The following HOXC4 variants were observed in gnomAD, a reference collection of about 807,000 sequenced individuals.
The protein encoded by HOXC4 is homeobox protein Hox-C4.
Under a neutral mutation model 25.5 loss-of-function variants are expected in HOXC4, and 15 were observed. That is an observed-to-expected ratio of 0.59 (90% CI 0.39 to 0.91). The LOEUF is 0.91. Ranked by LOEUF, HOXC4 falls within the 40% of genes least tolerant of loss-of-function variation. The probability of loss-of-function intolerance (pLI) is 0.00; values close to 1 mark genes in which losing one functional copy is unlikely to be tolerated. For synonymous variants in HOXC4, 165 were observed against 148.0 expected (o/e 1.11, Z -0.83); for missense variants, 342 against 352.4 (o/e 0.97, Z 0.24).
intron 1 of HOXC4, among the ~76,000 whole-genome samples, chr12:54,048,762 A>C (rs1937778857): frequency 6.6e-6 from 1 of 152,170 alleles, no homozygotes; most frequent in African/African-American, 2.4e-5. Flanking sequence ...TAAACTCTTA[A>C]AAGTGTTTCC....
rs1937944864 is a variant in HOXC4 at position 54,055,126 on chromosome 12, C to T, written c.716C>T (p.Thr239Ile). The change falls in exon 2 of 2, where the codon ACC becomes ATC. Residue 239 changes from threonine to isoleucine, a missense_variant. Coordinates refer to ENST00000430889, the MANE Select transcript of HOXC4 (RefSeq NM_153633.3). ...GAAPSTLSAATPGTSEDHSQS... is the reference protein window; with the variant it reads ...GAAPSTLSAAIPGTSEDHSQS... Reference sequence around the variant, plus strand: ...GCGCCCAGCACCCTTTCGGCAGCTACCCCGGGTACTTCTGAAGACCACTCC... The same window carrying T: ...GCGCCCAGCACCCTTTCGGCAGCTATCCCGGGTACTTCTGAAGACCACTCC... The T allele has an allele frequency of 6.2e-7, 1 of 1,613,372 alleles. No homozygotes were observed. The highest frequency in any genetic ancestry group is 2.2e-5 in the East Asian group (1 of 44,854).
At chr12:54,033,394 C>T (rs749931090) in intron 1 of HOXC4, 1 of 1,612,338 alleles carries the variant, frequency 6.2e-7, no homozygotes, top group East Asian at 2.2e-5. Context: ...AGAGACGAAG[C>T]GGCTCCTCTG....
At chr12:54,026,720 C>T (rs1940716029) in intron 1 of HOXC4, among the ~76,000 whole-genome samples, 1 of 152,216 alleles carries the variant, frequency 6.6e-6, no homozygotes, top group South Asian at 2.1e-4. Context: ...TCCACCAGCT[C>T]CTGCACACTG....
At chr12:54,036,909 C>T (rs1171634203) in intron 1 of HOXC4, among the ~76,000 whole-genome samples, 8 of 152,122 alleles carry the variant, frequency 5.3e-5, no homozygotes, top group Non-Finnish European at 1.0e-4. Context: ...GCGCACCACC[C>T]CAGGGGAAAA....
At chr12:54,054,744 C>A in intron 1 of HOXC4, 106 bp from the exon 2 acceptor site, 1 of 736,534 alleles carries the variant, frequency 1.4e-6, no homozygotes, top group Non-Finnish European at 2.3e-6. Context: ...GACTTTATTT[C>A]CACCACTCCC....
intron 1 of HOXC4, among the ~76,000 whole-genome samples, chr12:54,018,536 G>A (rs894090374): frequency 6.6e-6 from 1 of 152,234 alleles, no homozygotes; most frequent in Non-Finnish European, 1.5e-5. Flanking sequence ...GGTGCTAATG[G>A]CCTGTTGTAT....
upstream of HOXC4, among the ~76,000 whole-genome samples, chr12:54,050,513 C>CA (rs1250975263): frequency 1.3e-5 from 2 of 152,218 alleles, no homozygotes; most frequent in Non-Finnish European, 2.9e-5. Flanking sequence ...GGACCAGATA[C>CA]AAGGATTCAT....
At chr12:54,020,977 T>C (rs906088940) in intron 1 of HOXC4, 2 of 152,312 alleles carry the variant, frequency 1.3e-5, no homozygotes, top group African/African-American at 2.4e-5. Context: ...CGGGATTCTT[T>C]TCACGGGCAT....
At chr12:54,034,702 CCTCAGCTCGG>C (rs893600828) in intron 1 of HOXC4, 10 of 562,766 alleles carry the variant, frequency 1.8e-5, no homozygotes, top group Non-Finnish European at 3.2e-5. Context: ...CCCCATCTCC[CCTCAGCTCGG>C]CTCAGCTCGG....
chr12:54,032,859 G>A (rs1941040025), intron 1 of HOXC4: 1 of 335,546 alleles, frequency 3.0e-6, no homozygotes, highest in South Asian at 8.3e-5. Context: ...CCTTGGTTGG[G>A]CTTTGCCAAC....
intron 1 of HOXC4, chr12:54,034,298 C>T (rs1440407501): frequency 1.2e-6 from 2 of 1,613,922 alleles, no homozygotes; most frequent in South Asian, 1.1e-5. Context: ...CAAGCGGTCC[C>T]GAACCAGTTA....
intron 1 of HOXC4, among the ~76,000 whole-genome samples, chr12:54,046,076 A>G (rs1303921088): frequency 2.0e-4 from 31 of 152,138 alleles, no homozygotes; most frequent in Non-Finnish European, 7.4e-5. Context: ...AATGTGGGGG[A>G]AAAAGGGATC....
chr12:54,039,655 A>T (rs1941238553), intron 1 of HOXC4, among the ~76,000 whole-genome samples: 2 of 151,796 alleles, frequency 1.3e-5, no homozygotes, highest in Non-Finnish European at 2.9e-5. Flanking sequence ...CTAGTCTGTG[A>T]TTTTGAGAGT....
chr12:54,027,626 C>G (rs1940780569), intron 1 of HOXC4, among the ~76,000 whole-genome samples: 1 of 143,438 alleles, frequency 7.0e-6, no homozygotes, highest in Non-Finnish European at 1.5e-5. Flanking sequence ...TTCTTTTTCT[C>G]CTTTTTCTAT....
At chr12:54,034,668 G>T (rs1941134222) in intron 1 of HOXC4, 3 of 600,730 alleles carry the variant, frequency 5.0e-6, no homozygotes, top group South Asian at 4.0e-5. Context: ...CCGACCCAGG[G>T]TTCCCGCGGG....
intron 1 of HOXC4, chr12:54,034,373 A>G: frequency 6.2e-7 from 1 of 1,614,136 alleles, no homozygotes; most frequent in Non-Finnish European, 8.5e-7. Context: ...CACTCGCCGC[A>G]GGCGCATAGA....
intron 1 of HOXC4, chr12:54,029,675 C>T (rs138685629): frequency 8.1e-6 from 13 of 1,613,522 alleles, no homozygotes; most frequent in East Asian, 2.2e-5. Context: ...CGGAGCGGAC[C>T]GGAGGCGCGG....
intron 1 of HOXC4, chr12:54,034,282 G>C (rs1302086958): frequency 1.2e-6 from 2 of 1,613,406 alleles, no homozygotes; most frequent in East Asian, 2.2e-5. Flanking sequence ...TTCCAGAGAC[G>C]GACGGCAAGC....
intron 1 of HOXC4, chr12:54,030,123 C>T (rs746975549): frequency 6.7e-4 from 437 of 656,476 alleles, no homozygotes; most frequent in Non-Finnish European, 1.0e-3. Flanking sequence ...CAGCTCTGGA[C>T]CCCCTCCCTC....
Sources: gnomAD v4.1 joint callset for allele counts (sites outside exome capture counted in the v4.1 genomes callset) on GRCh38, gnomAD v4.1.1 for gene constraint, MANE v1.5 for transcripts, NCBI Gene and HGNC (gene_info 2026-07-23, HGNC 2026-07-21) for gene names.